The following PCDHGB1 variants were observed in gnomAD, a reference collection of about 807,000 sequenced individuals.
PCDHGB1 encodes protocadherin gamma subfamily B, 1, also known as protocadherin gamma-B1.
PCDHGB1 carries 34 observed loss-of-function variants against 56.6 expected under a neutral mutation model. The observed-to-expected ratio is 0.60, with a 90% CI of 0.46 to 0.80. The LOEUF (loss-of-function observed/expected upper bound fraction) is 0.80, where lower values mean the gene tolerates loss of function less well. PCDHGB1 is among the 30% of genes least tolerant of loss of function. The probability of loss-of-function intolerance (pLI) is 0.00; values close to 1 mark genes in which losing one functional copy is unlikely to be tolerated. For missense variants in PCDHGB1, 1,278 were observed against 1,204.6 expected (o/e 1.06, Z -0.90); for synonymous variants, 561 against 505.9 (o/e 1.11, Z -1.46).
chr5:141,394,520 A>G, intron 1 of PCDHGB1: 4 of 1,614,190 alleles, frequency 2.5e-6, no homozygotes, highest in African/African-American at 1.3e-5. Context: ...CCCTCCCCAC[A>G]GACGGTTCCA....
chr5:141,402,281 C>A (rs1589453227), intron 1 of PCDHGB1, among the ~76,000 whole-genome samples: 1 of 151,846 alleles, frequency 6.6e-6, no homozygotes, highest in African/African-American at 2.4e-5. Flanking sequence ...AGTGGATAAT[C>A]TATCCTTATA....
At chr5:141,417,673 C>G in intron 1 of PCDHGB1, 3 of 970,368 alleles carry the variant, frequency 3.1e-6, no homozygotes, top group Non-Finnish European at 2.9e-6. Context: ...CCTGCGCAGC[C>G]AACAACAGAA....
intron 1 of PCDHGB1, chr5:141,385,778 T>C (rs2150299874): frequency 6.2e-6 from 1 of 161,798 alleles, no homozygotes; most frequent in East Asian, 1.9e-4. Context: ...TGCCTCCATG[T>C]ACCTCAGCTT....
chr5:141,459,044 A>T (rs2098959649), intron 1 of PCDHGB1, among the ~76,000 whole-genome samples: 1 of 152,204 alleles, frequency 6.6e-6, no homozygotes, highest in Non-Finnish European at 1.5e-5. Flanking sequence ...TACCAGCTAT[A>T]TTGAAGTATA....
Position 141,352,323 on chromosome 5 carries a change from T to C in PCDHGB1, c.2063T>C (p.Leu688Pro). The C allele has an allele frequency of 3.7e-6, 6 of 1,614,060 alleles. No individual in the cohort carries two copies. The highest frequency in any genetic ancestry group is 5.1e-6 in the Non-Finnish European group (6 of 1,179,910). Residue 688 changes from leucine to proline, a missense_variant, in exon 1 of 4, where the codon CTG becomes CCG. Leu to Pro is a moderately conservative substitution (Grantham distance 98). Transcript: ENST00000523390. ...CCCCAGACGGAACTGCAGTTTTACC[T>C]GGTTGTGGCCTTGGCCTTGATCTCA... ...SDPQTELQFY[L>P]VVALALISVL... is the part of the protein sequence containing the mutation.
chr5:141,428,557 C>T (rs2097147196), intron 1 of PCDHGB1: 2 of 242,520 alleles, frequency 8.2e-6, no homozygotes, highest in Non-Finnish European at 1.6e-5. Context: ...AACAGTCCCC[C>T]CACAAGATCT....
chr5:141,447,023 G>GTTT, intron 1 of PCDHGB1, among the ~76,000 whole-genome samples: 1 of 151,542 alleles, frequency 6.6e-6, no homozygotes, highest in African/African-American at 2.4e-5. Context: ...GTTTTGTTTT[G>GTTT]TTTTTTTTCT....
intron 1 of PCDHGB1, chr5:141,398,884 G>C: frequency 6.2e-7 from 1 of 1,613,952 alleles, no homozygotes; most frequent in Non-Finnish European, 8.5e-7. Flanking sequence ...CAGCCTTCGG[G>C]AAAACGTGCC....
intron 1 of PCDHGB1, chr5:141,426,170 T>G (rs2096918811): frequency 6.4e-6 from 1 of 155,200 alleles, no homozygotes. Flanking sequence ...CCATACGGAT[T>G]GGGGTGCCCT....
intron 2 of PCDHGB1, among the ~76,000 whole-genome samples, chr5:141,500,705 T>A (rs1169100560): frequency 6.6e-6 from 1 of 152,220 alleles, no homozygotes; most frequent in Non-Finnish European, 1.5e-5. Context: ...TTGCAGTGTA[T>A]CATGAGAATT....
intron 1 of PCDHGB1, among the ~76,000 whole-genome samples, chr5:141,402,262 TA>T (rs1248031439): frequency 6.6e-6 from 1 of 151,912 alleles, no homozygotes; most frequent in Non-Finnish European, 1.5e-5. Context: ...CCCCAGAAAA[TA>T]ATTTCAAAGT....
Position 141,433,059 on chromosome 5 carries a change from A to G in PCDHGB1, c.2410-61748A>G, listed in dbSNP as rs745951077. 1.1e-5 allele frequency: 18 copies of G among 1,614,000 alleles called. No individual in the cohort carries two copies. In the East Asian group the frequency reaches 3.8e-4, roughly 34 times the overall value. On this transcript the variant is annotated intron_variant, in intron 1 of 3. Transcript: ENST00000523390. ...CTCACCACGGACTCGCGGAAGAGTC[A>G]CCTGATCTTCCCCCAGCCCAACTAT...
chr5:141,427,883 C>G (rs2097084423), intron 1 of PCDHGB1: 3 of 1,563,818 alleles, frequency 1.9e-6, no homozygotes, highest in Non-Finnish European at 1.7e-6. Flanking sequence ...TGCAGGCCCA[C>G]GACCAGGGCT....
chr5:141,399,713 A>C (rs1353862646), intron 1 of PCDHGB1: 1 of 1,613,326 alleles, frequency 6.2e-7, no homozygotes, highest in Non-Finnish European at 8.5e-7. Context: ...CTCACACTAC[A>C]GGCCCGCGAC....
intron 1 of PCDHGB1, chr5:141,389,923 C>G: frequency 6.2e-7 from 1 of 1,614,076 alleles, no homozygotes; most frequent in Non-Finnish European, 8.5e-7. Context: ...CCCGACCCCT[C>G]TGACCTCCAG....
In PCDHGB1 at chr5:141,364,349, G is replaced by A. The variant is rs758855393; in HGVS notation, c.2409+11680G>A. The A allele has an allele frequency of 2.6e-5, 40 of 1,549,338 alleles. No homozygotes were observed. Among genetic ancestry groups the A allele is most frequent in the Non-Finnish European group, 3.1e-5 (36 of 1,150,712 alleles). On this transcript the variant is annotated intron_variant, in intron 1 of 3. Coordinates refer to ENST00000523390, the MANE Select transcript of PCDHGB1 (RefSeq NM_018922.3). ...GAAGGCAATGGCGAGTCCACCTAGG[G>A]GCTGGGGCTGCGGAGAGCTGCTGCT...
At chr5:141,355,460 C>A in intron 1 of PCDHGB1, 1 of 1,614,006 alleles carries the variant, frequency 6.2e-7, no homozygotes, top group Non-Finnish European at 8.5e-7. Context: ...TTGGTCACCG[C>A]GGGTAGGATA....
At position 141,431,639 on chromosome 5, in the gene PCDHGB1, C is replaced by T; in HGVS notation, c.2410-63168C>T. 1 of 1,614,262 alleles carries T rather than the reference C, an allele frequency of 6.2e-7. No homozygotes were observed. The highest frequency in any genetic ancestry group is 8.5e-7 in the Non-Finnish European group (1 of 1,180,046). On this transcript the variant is annotated intron_variant, in intron 1 of 3. Transcript: ENST00000523390. This position sits in a 1 kb window ranked among gnomAD's most constrained non-coding sequence, Gnocchi z 4.8. Reference sequence around the variant, plus strand: ...CGACAAGGCGGCCCAAGTTTTCAAACTAGATTGTAATTCAGGGACAATATC... The same window carrying T: ...CGACAAGGCGGCCCAAGTTTTCAAATTAGATTGTAATTCAGGGACAATATC...
At chr5:141,362,021 C>A (rs1233254898) in intron 1 of PCDHGB1, 1 of 1,607,220 alleles carries the variant, frequency 6.2e-7, no homozygotes, top group Admixed American at 1.7e-5. Flanking sequence ...GTGCGCACAG[C>A]GCGTGCCTTG....
Sources: gnomAD v4.1 joint callset for allele counts (sites outside exome capture counted in the v4.1 genomes callset) on GRCh38, gnomAD v4.1.1 for gene constraint, Gnocchi (gnomAD v3.1) non-coding constraint, MANE v1.5 for transcripts, NCBI Gene and HGNC (gene_info 2026-07-23, HGNC 2026-07-21) for gene names.